The following LCORL variants were observed in gnomAD, a reference collection of about 807,000 sequenced individuals.
LCORL encodes ligand dependent nuclear receptor corepressor like, also known as ligand-dependent nuclear receptor corepressor-like protein.
LCORL carries 41 observed loss-of-function variants against 141.8 expected under a neutral mutation model. That is an observed-to-expected ratio of 0.29 (90% CI 0.23 to 0.38). The LOEUF (loss-of-function observed/expected upper bound fraction) is 0.38, where lower values mean the gene tolerates loss of function less well. Among genes scored for constraint, LCORL ranks in the 10% least tolerant of loss-of-function variants. The probability of loss-of-function intolerance (pLI) is 1.00; values close to 1 mark genes in which losing one functional copy is unlikely to be tolerated. For synonymous variants in LCORL, 618 were observed against 694.1 expected, an observed-to-expected ratio of 0.89 and a Z score of 1.72; for missense variants, 1,759 against 2,035.0, an observed-to-expected ratio of 0.86 and a Z score of 2.61.
chr4:17,989,921 C>T (rs887348538), intron 1 of LCORL, among the ~76,000 whole-genome samples: 24 of 152,190 alleles, frequency 1.6e-4, no homozygotes, highest in African/African-American at 4.3e-4. Context: ...GGTGTGGTTG[C>T]AGGACAGAGG....
chr4:17,900,306 T>G (rs2109294252), intron 5 of LCORL, among the ~76,000 whole-genome samples: 1 of 152,318 alleles, frequency 6.6e-6, no homozygotes, highest in Non-Finnish European at 1.5e-5. Flanking sequence ...GAACAATCTC[T>G]TGATTTTCAC....
At chr4:17,975,922 A>G (rs1716871041) in intron 1 of LCORL, among the ~76,000 whole-genome samples, 1 of 151,848 alleles carries the variant, frequency 6.6e-6, no homozygotes, top group Admixed American at 6.6e-5. Flanking sequence ...ATCTCTCATG[A>G]TTTTCTGTCT....
At chr4:17,854,149 C>T (rs1247262045) in intron 7 of LCORL, among the ~76,000 whole-genome samples, 1 of 151,984 alleles carries the variant, frequency 6.6e-6, no homozygotes, top group Admixed American at 6.6e-5. Flanking sequence ...TTGTAGAGCT[C>T]GAGTTCTGAT....
exon 7 of LCORL, chr4:17,874,927 C>T (rs1399335327): frequency 4.1e-6 from 5 of 1,233,688 alleles, no homozygotes; most frequent in Non-Finnish European, 5.1e-6. Context: ...TGGAGCAGAG[C>T]GTTTCTATAA....
intron 1 of LCORL, among the ~76,000 whole-genome samples, chr4:17,986,110 G>T (rs865783578): frequency 2.0e-5 from 3 of 152,134 alleles, no homozygotes; most frequent in African/African-American, 7.2e-5. Flanking sequence ...TGGCTTGTAG[G>T]GTTTCTGCTG....
At chr4:17,901,158 A>G (rs1162023345) in intron 5 of LCORL, among the ~76,000 whole-genome samples, 1 of 152,056 alleles carries the variant, frequency 6.6e-6, no homozygotes, top group African/African-American at 2.4e-5. Context: ...TGTGGCTTAT[A>G]TGAAGAAAAA....
chr4:17,973,148 G>C (rs1194149971), intron 1 of LCORL, among the ~76,000 whole-genome samples: 1 of 151,776 alleles, frequency 6.6e-6, no homozygotes, highest in African/African-American at 2.4e-5. Flanking sequence ...TCATTTATAA[G>C]TATTCCTGGG....
intron 5 of LCORL, among the ~76,000 whole-genome samples, chr4:17,891,346 AAAAAACAC>A (rs1435932005): frequency 6.6e-6 from 1 of 152,144 alleles, no homozygotes; most frequent in Non-Finnish European, 1.5e-5. Context: ...CCTGTCTCTT[AAAAAACAC>A]AAAAACAAAA....
chr4:17,891,218 T>C (rs1464413925), intron 5 of LCORL, among the ~76,000 whole-genome samples: 1 of 152,130 alleles, frequency 6.6e-6, no homozygotes, highest in East Asian at 1.9e-4. Flanking sequence ...GGTTTATTAA[T>C]GTGCAAATTT....
rs1012812458 is a variant in LCORL at position 17,995,163 on chromosome 4, A to C, written c.155-22278T>G. On this transcript the variant is annotated intron_variant, in intron 1 of 7. Coordinates refer to ENST00000635767, the Ensembl canonical transcript of LCORL. ...GTCTGGCTTTGTTTAGTGCTTTTTC[A>C]ATTTATTTAGTTTCAGGGTAACCAC... 2.0e-5 allele frequency among the ~76,000 whole-genome samples: 3 copies of C among 150,896 alleles called. No homozygotes were observed. In the East Asian group the frequency reaches 5.8e-4, roughly 29 times the overall value.
Position 17,929,883 on chromosome 4 carries a change from T to C in LCORL, c.431-20538A>G, listed in dbSNP as rs546243957. On this transcript the variant is annotated intron_variant, in intron 4 of 7. Transcript: ENST00000635767. ...TCTTATAAGGGTCCAATATCCACCA[T>C]ACATGAAGAACTCCTACAATTCAAT... Among the ~76,000 whole-genome samples, 3 of 152,268 alleles carry C rather than the reference T, an allele frequency of 2.0e-5. No individual in the cohort carries two copies. In the South Asian group the frequency reaches 6.2e-4, roughly 32 times the overall value.
At chr4:17,987,052 T>C (rs2109755230) in intron 1 of LCORL, among the ~76,000 whole-genome samples, 1 of 152,254 alleles carries the variant, frequency 6.6e-6, no homozygotes, top group South Asian at 2.1e-4. Flanking sequence ...GTGCATTTGG[T>C]TTTCACATGT....
chr4:18,010,143 A>G (rs554721585), intron 1 of LCORL, among the ~76,000 whole-genome samples: 1 of 152,332 alleles, frequency 6.6e-6, no homozygotes, highest in South Asian at 2.1e-4. Flanking sequence ...ACAGTGCTCT[A>G]TTCTTTTACA....
At chr4:18,001,666 T>A (rs987638519) in intron 1 of LCORL, among the ~76,000 whole-genome samples, 1 of 152,206 alleles carries the variant, frequency 6.6e-6, no homozygotes, top group African/African-American at 2.4e-5. Flanking sequence ...GAAATCAGTA[T>A]GCAACTATTT....
intron 1 of LCORL, among the ~76,000 whole-genome samples, chr4:17,988,027 G>A (rs1037708859): frequency 1.3e-5 from 2 of 152,156 alleles, no homozygotes; most frequent in African/African-American, 4.8e-5. Flanking sequence ...GAGGGACCTG[G>A]TGGAAGATGA....
At chr4:17,870,416 A>C (rs1726207286) in intron 7 of LCORL, among the ~76,000 whole-genome samples, 1 of 152,168 alleles carries the variant, frequency 6.6e-6, no homozygotes. Context: ...TTCAAGCCTC[A>C]GCTTAGATGC....
chr4:17,868,954 T>C (rs1726005618), intron 7 of LCORL, among the ~76,000 whole-genome samples: 1 of 152,024 alleles, frequency 6.6e-6, no homozygotes, highest in South Asian at 2.1e-4. Context: ...TACTCTTGAT[T>C]ACCTCTTGAT....
intron 2 of LCORL, among the ~76,000 whole-genome samples, chr4:17,967,740 AT>A (rs1473248189): frequency 6.6e-6 from 1 of 152,226 alleles, no homozygotes; most frequent in African/African-American, 2.4e-5. Flanking sequence ...ATTATGATGA[AT>A]ATACTCAGGT....
intron 4 of LCORL, chr4:17,912,300 AC>A: frequency 1.5e-6 from 1 of 679,412 alleles, no homozygotes; most frequent in South Asian, 1.4e-5. Flanking sequence ...AGCTGGAGAC[AC>A]AGATCGAGGC....
Sources: allele counts gnomAD v4.1 joint callset (sites outside exome capture counted in the v4.1 genomes callset), GRCh38; gene constraint gnomAD v4.1.1; transcripts MANE v1.5; gene names NCBI Gene and HGNC (gene_info 2026-07-23, HGNC 2026-07-21).